AMOT: variants seen among roughly 807,000 people sequenced by gnomAD.
AMOT encodes the protein angiomotin.
Under a neutral mutation model 67.0 loss-of-function variants are expected in AMOT, and 11 were observed. That is an observed-to-expected ratio of 0.16 (90% confidence interval 0.10 to 0.27). AMOT has a LOEUF of 0.27. Among genes scored for constraint, AMOT ranks in the 10% least tolerant of loss-of-function variants. The pLI, the probability that AMOT is intolerant of heterozygous loss-of-function variation, is 1.00. For missense variants in AMOT, 753 were observed against 852.0 expected (o/e 0.88, Z 1.45); for synonymous variants, 326 against 321.4 (o/e 1.01, Z -0.15).
In AMOT at chrX:112,832,832, A is replaced by C. The variant is rs191041536; in HGVS notation, c.-288-462T>G. Reference sequence around the variant, plus strand: ...TGGTTTTTGTGTCTGAGTGGGGCTCAGGTGCTGACTGCAGGTGTGGCATCC... The same window carrying C: ...TGGTTTTTGTGTCTGAGTGGGGCTCCGGTGCTGACTGCAGGTGTGGCATCC... On this transcript the variant is annotated intron_variant, in intron 1 of 13. Coordinates refer to ENST00000371959, the MANE Select transcript of AMOT (RefSeq NM_001113490.2). 3.8e-3 allele frequency among the ~76,000 whole-genome samples: 426 copies of C among 111,548 alleles called. 2 individuals are homozygous for C. Among genetic ancestry groups the C allele is most frequent in the African/African-American group, 0.013 (408 of 30,659 alleles).
chrX:112,819,957 GT>G (rs753923637), intron 4 of AMOT, among the ~76,000 whole-genome samples: 2 of 112,350 alleles, frequency 1.8e-5, no homozygotes, highest in Non-Finnish European at 3.8e-5. Flanking sequence ...TGTATAGCTA[GT>G]TGGTTAAAGG....
intron 1 of AMOT, among the ~76,000 whole-genome samples, chrX:112,835,565 C>A (rs1003991731): frequency 3.8e-5 from 4 of 104,804 alleles, no homozygotes; most frequent in Non-Finnish European, 5.8e-5. Flanking sequence ...CCACTGGTTT[C>A]CAGGAATGAA....
chrX:112,785,670 T>C (rs1933343340), intron 10 of AMOT, among the ~76,000 whole-genome samples: 1 of 111,964 alleles, frequency 8.9e-6, no homozygotes, highest in Non-Finnish European at 1.9e-5. Flanking sequence ...CGTAGAAATG[T>C]GACAGAAAGA....
rs1342632334 is a variant in AMOT at position 112,776,841 on chromosome X, A to G, written c.*1726T>C. ...ACTCCAACCAGGTACATTTTACAAG[A>G]TACATATTCCCTGGACCATGAAGAT... On this transcript the variant is annotated 3_prime_UTR_variant, in exon 14 of 14. Coordinates refer to ENST00000371959, the MANE Select transcript of AMOT (RefSeq NM_001113490.2). 1 of 112,154 alleles carries G rather than the reference A, an allele frequency of 8.9e-6. No homozygotes were observed. Among genetic ancestry groups the G allele is most frequent in the Non-Finnish European group, 1.9e-5 (1 of 53,186 alleles). 9.2% of individuals were successfully genotyped at this position (112,154 alleles called of 1,213,427 possible).
Position 112,815,624 on chromosome X carries a change from G to T in AMOT, c.1126C>A (p.Gln376Lys). Residue 376 changes from glutamine (Q) to lysine (K), a missense_variant, in exon 5 of 14, where the codon CAG becomes AAG. Coordinates refer to ENST00000371959, the MANE Select transcript of AMOT (RefSeq NM_001113490.2). ...TGCTGCTGCTGTTGCTGCTGCTGCT[G>T]ACTCAGGCCAGGTTGGGAGAGACGG... ...HYRLSQPGLS[Q>K]QQQQQQQQHH... is the part of the protein sequence containing the mutation. The T allele has an allele frequency of 8.3e-7, 1 of 1,202,948 alleles. No homozygotes were observed. Among genetic ancestry groups the T allele is most frequent in the Non-Finnish European group, 1.1e-6 (1 of 891,092 alleles).
intron 10 of AMOT, among the ~76,000 whole-genome samples, chrX:112,785,884 G>T (rs765911003): frequency 1.8e-5 from 2 of 112,152 alleles, no homozygotes; most frequent in East Asian, 5.6e-4. Flanking sequence ...TTGTTCTTTC[G>T]AACTCAAATG....
intron 10 of AMOT, among the ~76,000 whole-genome samples, chrX:112,783,163 T>G (rs1233820294): frequency 9.2e-6 from 1 of 109,157 alleles, no homozygotes; most frequent in Non-Finnish European, 1.9e-5. Flanking sequence ...GGCATGGTGG[T>G]GCACGCCTGT....
At position 112,775,123 on chromosome X, in the gene AMOT, A is replaced by G. The variant is rs1444053755; in HGVS notation, c.*3444T>C. On this transcript the variant is annotated 3_prime_UTR_variant, in exon 14 of 14. Coordinates refer to ENST00000371959, the MANE Select transcript of AMOT (RefSeq NM_001113490.2). Reference sequence around the variant, plus strand: ...GAAGGAGGTTTCATGGCTCCATGTAACCCATCGTTGCTACTGGAAAAAAAT... The same window carrying G: ...GAAGGAGGTTTCATGGCTCCATGTAGCCCATCGTTGCTACTGGAAAAAAAT... 9.1e-6 allele frequency: 1 copy of G among 110,337 alleles called. No individual in the cohort carries two copies. Among genetic ancestry groups the G allele is most frequent in the Non-Finnish European group, 1.9e-5 (1 of 52,452 alleles). The allele number at this position is 110,337 out of a possible 1,213,427, so 9.1% of individuals were successfully genotyped here. A position where few individuals can be genotyped will look rare whatever the true frequency, so the allele number is the denominator to read the frequency against.
intron 11 of AMOT, among the ~76,000 whole-genome samples, chrX:112,781,714 A>G (rs747775001): frequency 2.7e-5 from 3 of 111,412 alleles, no homozygotes; most frequent in African/African-American, 9.8e-5. Flanking sequence ...AAGGCTGAAT[A>G]TGAGAGAATG....
chrX:112,839,187 G>A (rs992428277), intron 1 of AMOT, among the ~76,000 whole-genome samples: 3 of 112,385 alleles, frequency 2.7e-5, no homozygotes, highest in African/African-American at 9.7e-5. Context: ...ATAAGTCTTT[G>A]AACACCATCA....
At chrX:112,826,322 A>G (rs2147826098) in intron 2 of AMOT, among the ~76,000 whole-genome samples, 1 of 112,555 alleles carries the variant, frequency 8.9e-6, no homozygotes, top group East Asian at 2.8e-4. Context: ...CATGTTCAAA[A>G]CATTCAAGTT....
chrX:112,811,957 A>T (rs1167889593), intron 5 of AMOT, among the ~76,000 whole-genome samples: 2 of 112,048 alleles, frequency 1.8e-5, no homozygotes, highest in African/African-American at 6.5e-5. Context: ...CCAAGGGCCA[A>T]ATATTTACAC....
chrX:112,822,360 G>C lies in AMOT; in HGVS notation c.767C>G (p.Pro256Arg), dbSNP rs1298300809. 3 of 1,162,118 alleles carry C rather than the reference G, an allele frequency of 2.6e-6. No individual in the cohort carries two copies. Among genetic ancestry groups the C allele is most frequent in the Non-Finnish European group, 3.4e-6 (3 of 870,633 alleles). Residue 256 changes from proline to arginine, a missense_variant, in exon 4 of 14, where the codon CCC (proline) becomes CGC (arginine). This residue lies in a region of AMOT where 297 missense variants were observed against 284.3 expected (regional missense o/e 1.04). Coordinates refer to ENST00000371959, the MANE Select transcript of AMOT (RefSeq NM_001113490.2). ...ACTATAGAAGTGCCCTGGCTCTTGGGGCTTGCACACTACAGATTGGGGTGG... is the reference window on the plus strand; with the variant it reads ...ACTATAGAAGTGCCCTGGCTCTTGGCGCTTGCACACTACAGATTGGGGTGG... ...GMPPQSVVCK[P>R]QEPGHFYSEH... is the part of the protein sequence containing the mutation.
At chrX:112,796,128 C>T (rs1183583806) in intron 8 of AMOT, among the ~76,000 whole-genome samples, 5 of 111,363 alleles carry the variant, frequency 4.5e-5, no homozygotes, top group Non-Finnish European at 9.4e-5. Flanking sequence ...CCCCTTTTCA[C>T]CTTCAACACT....
At chrX:112,800,302 G>T (rs1465988689) in intron 8 of AMOT, among the ~76,000 whole-genome samples, 1 of 111,936 alleles carries the variant, frequency 8.9e-6, no homozygotes, top group Non-Finnish European at 1.9e-5. Flanking sequence ...AAGAAAGAAA[G>T]AGATAAAATA....
chrX:112,824,456 G>T (rs978844972), intron 3 of AMOT, among the ~76,000 whole-genome samples: 1 of 111,571 alleles, frequency 9.0e-6, no homozygotes, highest in African/African-American at 3.3e-5. Flanking sequence ...ATATTAAGTG[G>T]CCTGCAATCT....
intron 2 of AMOT, among the ~76,000 whole-genome samples, chrX:112,831,586 T>C (rs992879143): frequency 3.6e-5 from 4 of 110,472 alleles, no homozygotes; most frequent in South Asian, 7.6e-4. Context: ...CGGCAACACA[T>C]AGGGCTCTGC....
Position 112,778,584 on chromosome X carries a change from C to T in AMOT, c.3238G>A (p.Val1080Met). ...TTGGCCGTTTAGATGAGATATTCCACCATCTCTGCATCAGGCTCTTGTCCC... is the reference window on the plus strand; with the variant it reads ...TTGGCCGTTTAGATGAGATATTCCATCATCTCTGCATCAGGCTCTTGTCCC... The part of the protein sequence containing the change: ...ILGQEPDAEM[V>M]EYLI The change falls in exon 14 of 14, where the codon GTG becomes ATG. Residue 1080 changes from valine to methionine, a missense_variant. Transcript: ENST00000371959. 8.3e-7 allele frequency: 1 copy of T among 1,205,887 alleles called. No homozygotes were observed. Among genetic ancestry groups the T allele is most frequent in the Non-Finnish European group, 1.1e-6 (1 of 891,483 alleles).
chrX:112,776,706 A>G lies in AMOT; in HGVS notation c.*1861T>C, dbSNP rs1262932818. On this transcript the variant is annotated 3_prime_UTR_variant, in exon 14 of 14. Transcript: ENST00000371959. ...AGTGGGATTGGTTTCTCAGGGGGACATTTATGTGACTCTATGTTGAAATGC... is the reference window on the plus strand; with the variant it reads ...AGTGGGATTGGTTTCTCAGGGGGACGTTTATGTGACTCTATGTTGAAATGC... 9.0e-6 allele frequency: 1 copy of G among 111,681 alleles called. No homozygotes were observed. The highest frequency in any genetic ancestry group is 3.3e-5 in the African/African-American group (1 of 30,569). 9.2% of individuals were successfully genotyped at this position (111,681 alleles called of 1,213,427 possible). A position where few individuals can be genotyped will look rare whatever the true frequency, so the allele number is the denominator to read the frequency against.
Sources: allele counts gnomAD v4.1 joint callset (sites outside exome capture counted in the v4.1 genomes callset), GRCh38; gene constraint gnomAD v4.1.1; regional missense constraint gnomAD v4.1.1; transcripts MANE v1.5; gene names NCBI Gene and HGNC (gene_info 2026-07-23, HGNC 2026-07-21).